The following PRKG1 variants were observed in gnomAD, a reference collection of about 807,000 sequenced individuals.
PRKG1 encodes the protein cGMP-dependent protein kinase 1.
A neutral mutation model predicts 88.1 loss-of-function variants in PRKG1; 35 were observed. The ratio of observed to expected loss-of-function variants is 0.40; its 90% CI spans 0.30 to 0.53. The LOEUF is 0.53. Ranked by LOEUF, PRKG1 falls within the 20% of genes least tolerant of loss-of-function variation. The pLI, the probability that PRKG1 is intolerant of heterozygous loss-of-function variation, is 0.59. For synonymous variants in PRKG1, 303 were observed against 292.5 expected (o/e 1.04, Z -0.37); for missense variants, 540 against 839.8 (o/e 0.64, Z 4.41).
chr10:51,231,591 A>G (rs1259588729), intron 2 of PRKG1, among the ~76,000 whole-genome samples: 2 of 152,002 alleles, frequency 1.3e-5, no homozygotes, highest in Admixed American at 6.6e-5. Context: ...ATCCTTTTTT[A>G]TGGAGTTCTG....
intron 2 of PRKG1, among the ~76,000 whole-genome samples, chr10:51,325,489 G>A (rs192140224): frequency 1.3e-5 from 2 of 152,272 alleles, no homozygotes; most frequent in East Asian, 1.9e-4. Flanking sequence ...GTTAGCCACC[G>A]TGCCTGGCTC....
chr10:52,276,527 T>C (rs972005177), intron 12 of PRKG1, among the ~76,000 whole-genome samples: 24 of 152,184 alleles, frequency 1.6e-4, no homozygotes, highest in African/African-American at 5.8e-4. Flanking sequence ...AGTCTATCAA[T>C]ATTCATAAAT....
At chr10:51,930,491 TC>T (rs59960792) in intron 5 of PRKG1, among the ~76,000 whole-genome samples, 18,179 of 130,502 alleles carry the variant, frequency 0.14, 2,922 homozygotes, top group African/African-American at 0.39. Flanking sequence ...CCTTTTTTTT[TC>T]CTCTTTTTTT....
At chr10:52,126,478 C>CT (rs967800683) in intron 7 of PRKG1, among the ~76,000 whole-genome samples, 8 of 151,928 alleles carry the variant, frequency 5.3e-5, no homozygotes, top group Non-Finnish European at 1.5e-5. Context: ...TATTTTCCCC[C>CT]TTTTTTTGTA....
chr10:51,229,313 G>A (rs924252261), intron 2 of PRKG1, among the ~76,000 whole-genome samples: 1 of 152,030 alleles, frequency 6.6e-6, no homozygotes, highest in African/African-American at 2.4e-5. Context: ...AACCCCTTTG[G>A]AAACTCATTT....
chr10:51,885,933 C>CT (rs1271028879), intron 4 of PRKG1, among the ~76,000 whole-genome samples: 2 of 152,176 alleles, frequency 1.3e-5, no homozygotes, highest in Non-Finnish European at 1.5e-5. Flanking sequence ...TGAAATACAT[C>CT]TTTTTTCTTC....
At chr10:52,089,871 G>T (rs1847010190) in intron 7 of PRKG1, among the ~76,000 whole-genome samples, 1 of 141,934 alleles carries the variant, frequency 7.0e-6, no homozygotes. Flanking sequence ...GTGCAGTGGA[G>T]TGGCACAATC....
chr10:52,013,705 C>G (rs890561518), intron 5 of PRKG1, among the ~76,000 whole-genome samples: 1 of 152,194 alleles, frequency 6.6e-6, no homozygotes, highest in African/African-American at 2.4e-5. Flanking sequence ...GAAATTTTGA[C>G]TTTAATGTGT....
chr10:51,699,940 T>G (rs116991534), intron 3 of PRKG1, among the ~76,000 whole-genome samples: 1,544 of 152,366 alleles, frequency 0.01, 7 homozygotes, highest in Middle Eastern at 0.017. Context: ...GCGGTTTTGC[T>G]TCCGTTCCGC....
At chr10:51,043,825 T>C (rs1211677928) in intron 1 of PRKG1, among the ~76,000 whole-genome samples, 1 of 152,148 alleles carries the variant, frequency 6.6e-6, no homozygotes, top group Non-Finnish European at 1.5e-5. Flanking sequence ...ATAAAGACAA[T>C]GGCATTGGAT....
chr10:51,155,836 G>T (rs1202743661), intron 2 of PRKG1, among the ~76,000 whole-genome samples: 1 of 151,722 alleles, frequency 6.6e-6, no homozygotes, highest in Admixed American at 6.6e-5. Context: ...ATTATTGGAG[G>T]GTAATCAGCT....
intron 7 of PRKG1, among the ~76,000 whole-genome samples, chr10:52,132,454 G>A (rs7912141): frequency 0.33 from 50,482 of 151,852 alleles, 8,722 homozygotes; most frequent in African/African-American, 0.42. Context: ...AATTTAAAGC[G>A]ATTGTAATCT....
At chr10:51,698,283 T>A (rs369368999) in intron 3 of PRKG1, 2 of 1,614,132 alleles carry the variant, frequency 1.2e-6, no homozygotes. Context: ...TCAGTTTCCA[T>A]GGCACGAGTC....
At chr10:51,555,230 C>T (rs1837280923) in intron 3 of PRKG1, among the ~76,000 whole-genome samples, 1 of 151,906 alleles carries the variant, frequency 6.6e-6, no homozygotes, top group South Asian at 2.1e-4. Flanking sequence ...ATAGTAATAA[C>T]ATTTTCAACT....
At chr10:51,967,823 A>T (rs967683273) in intron 5 of PRKG1, among the ~76,000 whole-genome samples, 9 of 152,044 alleles carry the variant, frequency 5.9e-5, no homozygotes, top group African/African-American at 2.2e-4. Flanking sequence ...TTTCTTGCAG[A>T]ATGTGCCTTC....
At chr10:51,336,500 C>T (rs139277967) in intron 2 of PRKG1, among the ~76,000 whole-genome samples, 1 of 152,114 alleles carries the variant, frequency 6.6e-6, no homozygotes, top group Non-Finnish European at 1.5e-5. Context: ...ATCCTCTCCC[C>T]CTCTTATGGC....
rs113487027 is a variant in PRKG1 at position 51,824,456 on chromosome 10, T to C, written c.698+19766T>C. ...TTTATATTGTTGATTGTTTCTTATC[T>C]TTTGTGGATATAGGCATAGCATAAG... On this transcript the variant is annotated intron_variant, in intron 4 of 17. Transcript: ENST00000373980. 2.8e-4 allele frequency among the ~76,000 whole-genome samples: 42 copies of C among 152,328 alleles called. 2 individuals are homozygous for C. Among genetic ancestry groups the C allele is most frequent in the Middle Eastern group, 6.8e-3 (2 of 294 alleles).
rs749355908 is a variant in PRKG1, at chr10:52,054,485, C to T, written c.764C>T (p.Thr255Ile). 4 of 1,611,408 alleles carry T rather than the reference C, an allele frequency of 2.5e-6. No homozygotes were observed. Among genetic ancestry groups the T allele is most frequent in the Non-Finnish European group, 3.4e-6 (4 of 1,178,146 alleles). Residue 255 changes from threonine to isoleucine, a missense_variant and splice_region_variant, in exon 6 of 18, where the codon ACC becomes ATC. Physicochemically the swap from Thr to Ile is moderately conservative, Grantham distance 89. This residue lies in a region of PRKG1 where 400 missense variants were observed against 562.7 expected (regional missense o/e 0.71). Transcript: ENST00000373980. ...LSKLADVLEE[T>I]HYENGEYIIR... ...TTTCTTATTGTTTCTACTTTTCAGA[C>T]CCACTATGAAAATGGAGAATATATT...
intron 3 of PRKG1, among the ~76,000 whole-genome samples, chr10:51,493,809 TATC>T (rs1223823941): frequency 3.3e-5 from 5 of 152,198 alleles, no homozygotes; most frequent in African/African-American, 4.8e-5. Context: ...TTAGAGAATA[TATC>T]ATCATTTGCT....
Sources: allele counts gnomAD v4.1 joint callset (sites outside exome capture counted in the v4.1 genomes callset), GRCh38; gene constraint gnomAD v4.1.1; regional missense constraint gnomAD v4.1.1; transcripts MANE v1.5; gene names NCBI Gene and HGNC (gene_info 2026-07-23, HGNC 2026-07-21).